Variants in SGCZ observed in about 807,000 individuals in gnomAD.
SGCZ encodes sarcoglycan zeta, also known as zeta-sarcoglycan.
SGCZ carries 40 observed loss-of-function variants against 41.3 expected under a neutral mutation model. The observed-to-expected ratio is 0.97, with a 90% confidence interval of 0.75 to 1.26. SGCZ has a LOEUF of 1.26. Among genes scored for constraint, SGCZ ranks in the 50% most tolerant of loss-of-function variants. The probability of loss-of-function intolerance (pLI) is 0.00; values close to 1 mark genes in which losing one functional copy is unlikely to be tolerated. For synonymous variants in SGCZ, 206 were observed against 137.5 expected, an observed-to-expected ratio of 1.50 and a Z score of -3.49; for missense variants, 552 against 369.8, an observed-to-expected ratio of 1.49 and a Z score of -4.04.
intron 1 of SGCZ, among the ~76,000 whole-genome samples, chr8:14,767,182 A>G (rs1485850564): frequency 1.3e-5 from 2 of 152,140 alleles, no homozygotes; most frequent in Non-Finnish European, 2.9e-5. Flanking sequence ...CAGAAATGAC[A>G]TGGCACAAGG....
intron 1 of SGCZ, among the ~76,000 whole-genome samples, chr8:15,155,597 G>A (rs1473315279): frequency 1.3e-5 from 2 of 152,118 alleles, no homozygotes; most frequent in African/African-American, 2.4e-5. Context: ...AGTTTGGTGT[G>A]CAAAATTATG....
intron 1 of SGCZ, among the ~76,000 whole-genome samples, chr8:15,058,311 TG>T (rs1468600994): frequency 1.3e-5 from 2 of 152,166 alleles, no homozygotes; most frequent in African/African-American, 4.8e-5. Context: ...AGGTCCAATT[TG>T]GAACATGCCA....
intron 2 of SGCZ, among the ~76,000 whole-genome samples, chr8:14,451,259 T>A (rs191027578): frequency 1.4e-4 from 22 of 152,336 alleles, no homozygotes; most frequent in African/African-American, 4.8e-4. Flanking sequence ...GTTCTTTATT[T>A]TTCTGTCCTA....
chr8:14,809,094 G>C (rs1033086226), intron 1 of SGCZ, among the ~76,000 whole-genome samples: 7 of 146,668 alleles, frequency 4.8e-5, no homozygotes, highest in African/African-American at 1.8e-4. Flanking sequence ...GTGGGTGGAG[G>C]GGGGAGGGAT....
At chr8:14,946,832 C>T (rs767180605) in intron 1 of SGCZ, among the ~76,000 whole-genome samples, 3 of 151,858 alleles carry the variant, frequency 2.0e-5, no homozygotes, top group Non-Finnish European at 4.4e-5. Context: ...CCCACCACCA[C>T]GCCCAGCTAA....
chr8:14,533,150 C>G (rs572401967), intron 2 of SGCZ, among the ~76,000 whole-genome samples: 5 of 152,026 alleles, frequency 3.3e-5, no homozygotes, highest in African/African-American at 1.2e-4. Flanking sequence ...CCCACTCCCC[C>G]CACCCCACAA....
At chr8:14,753,038 T>C (rs1041848691) in intron 1 of SGCZ, among the ~76,000 whole-genome samples, 4 of 152,198 alleles carry the variant, frequency 2.6e-5, no homozygotes, top group Admixed American at 6.5e-5. Flanking sequence ...ATTTTCATTC[T>C]ATGGAAACTC....
intron 1 of SGCZ, among the ~76,000 whole-genome samples, chr8:15,102,528 G>A (rs918120013): frequency 1.3e-5 from 2 of 152,076 alleles, no homozygotes; most frequent in African/African-American, 4.8e-5. Context: ...ACTTTTGTTT[G>A]TAATGATGTA....
intron 4 of SGCZ, among the ~76,000 whole-genome samples, chr8:14,236,263 T>A (rs1187001011): frequency 1.3e-5 from 2 of 152,206 alleles, no homozygotes; most frequent in Non-Finnish European, 2.9e-5. Context: ...CATTTGCTAA[T>A]AGCACCCCTC....
intron 1 of SGCZ, among the ~76,000 whole-genome samples, chr8:14,725,281 T>C (rs955075444): frequency 6.6e-6 from 1 of 152,232 alleles, no homozygotes; most frequent in Non-Finnish European, 1.5e-5. Context: ...CTGTGTAGAA[T>C]GTTGCAATAA....
At chr8:14,293,943 A>C (rs1482271719) in intron 3 of SGCZ, among the ~76,000 whole-genome samples, 1 of 151,806 alleles carries the variant, frequency 6.6e-6, no homozygotes, top group Non-Finnish European at 1.5e-5. Flanking sequence ...GTATCAAGTC[A>C]AGACATACAT....
chr8:14,580,092 G>A (rs1477429604), intron 1 of SGCZ, among the ~76,000 whole-genome samples: 2 of 152,144 alleles, frequency 1.3e-5, no homozygotes, highest in Non-Finnish European at 2.9e-5. Context: ...ACAGTATGAA[G>A]GAAAGGTCCC....
chr8:15,031,896 T>C lies in SGCZ; in HGVS notation c.39+205689A>G, dbSNP rs913144961. Among the ~76,000 whole-genome samples the C allele has an allele frequency of 2.3e-5, 3 of 129,930 alleles. No homozygotes were observed. In the Admixed American group the frequency reaches 2.5e-4, roughly 11 times the overall value. 85.2% of individuals were successfully genotyped at this position (129,930 alleles called of 152,430 possible). On this transcript the variant is annotated intron_variant, in intron 1 of 7. Transcript: ENST00000382080. ...TATACTCTCTATATTCTATACCCTC[T>C]ATATTCCTCTCTCTCTCTCTCTCTC...
chr8:15,186,036 A>G (rs1800322912), intron 1 of SGCZ, among the ~76,000 whole-genome samples: 1 of 151,562 alleles, frequency 6.6e-6, no homozygotes, highest in African/African-American at 2.4e-5. Context: ...ATCCTGGCTA[A>G]CACGGTGAAA....
chr8:15,050,944 T>C, intron 1 of SGCZ, among the ~76,000 whole-genome samples: 1 of 152,196 alleles, frequency 6.6e-6, no homozygotes, highest in East Asian at 1.9e-4. Flanking sequence ...AATACTTGCC[T>C]CTTTCTGGGA....
chr8:14,499,842 A>C (rs1284666129), intron 2 of SGCZ, among the ~76,000 whole-genome samples: 4 of 152,008 alleles, frequency 2.6e-5, no homozygotes, highest in Non-Finnish European at 5.9e-5. Flanking sequence ...TTGTATCCTC[A>C]AGAACAGCTC....
intron 1 of SGCZ, among the ~76,000 whole-genome samples, chr8:14,558,185 CA>C (rs1447092008): frequency 6.6e-6 from 1 of 151,996 alleles, no homozygotes; most frequent in African/African-American, 2.4e-5. Flanking sequence ...AAATTACCAA[CA>C]AAAAGAGTCC....
chr8:14,984,860 A>G (rs1417877117), intron 1 of SGCZ, among the ~76,000 whole-genome samples: 2 of 152,058 alleles, frequency 1.3e-5, no homozygotes, highest in Admixed American at 6.6e-5. Flanking sequence ...TTCAATAGCA[A>G]TTTTGTTGCT....
intron 1 of SGCZ, among the ~76,000 whole-genome samples, chr8:15,187,774 A>G (rs1223911534): frequency 6.6e-6 from 1 of 152,012 alleles, no homozygotes; most frequent in Non-Finnish European, 1.5e-5. Context: ...CGTGAGTTTG[A>G]TTATGGACTA....
Sources: gnomAD v4.1 joint callset for allele counts (sites outside exome capture counted in the v4.1 genomes callset) on GRCh38, gnomAD v4.1.1 for gene constraint, MANE v1.5 for transcripts, NCBI Gene and HGNC (gene_info 2026-07-23, HGNC 2026-07-21) for gene names.